The following RCOR3 variants were observed in gnomAD, a reference collection of about 807,000 sequenced individuals.
RCOR3 encodes the protein REST corepressor 3.
A neutral mutation model predicts 64.1 loss-of-function variants in RCOR3; 13 were observed. The observed-to-expected ratio is 0.20, with a 90% CI of 0.13 to 0.32. The LOEUF is 0.32. Ranked by LOEUF, RCOR3 falls within the 10% of genes least tolerant of loss-of-function variation. The pLI, the probability that RCOR3 is intolerant of heterozygous loss-of-function variation, is 1.00. For missense variants in RCOR3, 489 were observed against 701.2 expected (o/e 0.70, Z 3.42); for synonymous variants, 215 against 239.0 (o/e 0.90, Z 0.93).
intron 9 of RCOR3, among the ~76,000 whole-genome samples, chr1:211,297,272 C>T (rs2102613756): frequency 6.6e-6 from 1 of 152,226 alleles, no homozygotes; most frequent in Non-Finnish European, 1.5e-5. Flanking sequence ...CATTTTATAG[C>T]TTCCCTATGT....
Position 211,290,672 on chromosome 1 carries a change from G to A in RCOR3, c.939+1276G>A, listed in dbSNP as rs146087110. On this transcript the variant is annotated intron_variant, in intron 8 of 11. Coordinates refer to ENST00000419091, the MANE Select transcript of RCOR3 (RefSeq NM_001136223.3). ...ATTATAGGCATGAGCCACCACGCTC[G>A]GCCTCTTGTTGATTCTTTCTATTAC... is the stretch of plus-strand genomic sequence containing the variant. Among the ~76,000 whole-genome samples the A allele has an allele frequency of 6.6e-5, 10 of 152,156 alleles. No individual in the cohort carries two copies. The East Asian group carries it at 9.7e-4, about 15-fold the overall frequency.
intron 10 of RCOR3, among the ~76,000 whole-genome samples, chr1:211,309,834 T>G (rs567952450): frequency 3.4e-4 from 52 of 152,314 alleles, no homozygotes; most frequent in African/African-American, 1.3e-3. Context: ...CACCTGCTAG[T>G]TGTTTCAGAC....
intron 7 of RCOR3, among the ~76,000 whole-genome samples, chr1:211,283,811 T>TA (rs1361565334): frequency 7.5e-6 from 1 of 133,614 alleles, no homozygotes; most frequent in Non-Finnish European, 1.6e-5. Context: ...GCCTGGCTTG[T>TA]ATTTTTTTTT....
intron 8 of RCOR3, among the ~76,000 whole-genome samples, chr1:211,293,861 A>G (rs565917014): frequency 6.6e-6 from 1 of 152,324 alleles, no homozygotes; most frequent in East Asian, 1.9e-4. Flanking sequence ...GGGGGGAAAA[A>G]CAGAGGAAAA....
chr1:211,308,176 TATAAC>T (rs1409489126), intron 10 of RCOR3, among the ~76,000 whole-genome samples: 3 of 152,230 alleles, frequency 2.0e-5, no homozygotes, highest in East Asian at 1.9e-4. Context: ...ATTTTTCTAT[TATAAC>T]AGACACCATA....
At position 211,295,773 on chromosome 1, in the gene RCOR3, A is replaced by G; in HGVS notation, c.1017+20A>G. On this transcript the variant is annotated intron_variant, in intron 9 of 11. Transcript: ENST00000419091. ...CCTGAGGTATGTTATTGAAGGATAC[A>G]TGTGATTAAGTATAGTGAAAACTTG... 6.2e-7 allele frequency: 1 copy of G among 1,602,806 alleles called. No individual in the cohort carries two copies. Among genetic ancestry groups the G allele is most frequent in the Non-Finnish European group, 8.5e-7 (1 of 1,170,124 alleles).
At chr1:211,290,603 C>T (rs955940320) in intron 8 of RCOR3, among the ~76,000 whole-genome samples, 1 of 152,054 alleles carries the variant, frequency 6.6e-6, no homozygotes, top group Non-Finnish European at 1.5e-5. Flanking sequence ...GTCTCAAACT[C>T]CTGGGCTCAA....
chr1:211,308,555 C>T (rs1294588512), intron 10 of RCOR3, among the ~76,000 whole-genome samples: 2 of 150,990 alleles, frequency 1.3e-5, no homozygotes, highest in East Asian at 1.9e-4. Flanking sequence ...CCCAGTTAAA[C>T]TAAGTACATG....
intron 2 of RCOR3, chr1:211,261,236 G>A (rs931134156): frequency 6.6e-6 from 1 of 152,152 alleles, no homozygotes; most frequent in Non-Finnish European, 1.5e-5. Context: ...TAATTATTAG[G>A]ATACAGAGGC....
At chr1:211,262,255 C>G (rs1485453304) in intron 2 of RCOR3, among the ~76,000 whole-genome samples, 4 of 151,670 alleles carry the variant, frequency 2.6e-5, no homozygotes, top group South Asian at 4.1e-4. Flanking sequence ...CCAGGCTGCT[C>G]TCGAACTCCT....
Position 211,260,109 on chromosome 1 carries a change from T to C in RCOR3, c.168T>C (p.Asp56=), listed in dbSNP as rs1057510155. The change falls in exon 2 of 12, where the codon GAT becomes GAC. Residue 56 remains aspartate (D), a splice_region_variant and synonymous_variant. Coordinates refer to ENST00000419091, the MANE Select transcript of RCOR3 (RefSeq NM_001136223.3). ...ESGCSSDDEH[D]VGMRVGAEYQ... is the part of the protein sequence containing the mutation. ...ATATTTTTTGGCATTGCTTTGCAGA[T>C]GTTGGGATGAGAGTCGGAGCCGAAT... The C allele has an allele frequency of 6.2e-7, 1 of 1,610,448 alleles. No homozygotes were observed. Among genetic ancestry groups the C allele is most frequent in the Non-Finnish European group, 8.5e-7 (1 of 1,177,752 alleles).
chr1:211,260,027 T>C, intron 1 of RCOR3, 81 bp from the exon 2 acceptor site: 18 of 1,466,790 alleles, frequency 1.2e-5, no homozygotes, highest in Non-Finnish European at 1.5e-5. Flanking sequence ...CTAGCGATTT[T>C]TATTTTTTAA....
intron 8 of RCOR3, among the ~76,000 whole-genome samples, chr1:211,294,982 A>G (rs188282479): frequency 5.4e-4 from 82 of 151,364 alleles, no homozygotes; most frequent in African/African-American, 2.0e-3. Flanking sequence ...GGCTTGAGCA[A>G]TCCTCCCACC....
At position 211,259,685 on chromosome 1, in the gene RCOR3, A is replaced by G; in HGVS notation, c.125A>G (p.Tyr42Cys). ...TCGTCCACCAACGGCGGGCTGCACT[A>G]CTCAGAGCCCGAGAGCGGCTGCAGC... is the stretch of plus-strand genomic sequence containing the variant. ...GASSTNGGLH[Y>C]SEPESGCSSD... The change falls in exon 1 of 12, where the codon TAC becomes TGC. Residue 42 changes from tyrosine to cysteine, a missense_variant. By Grantham distance (194) the Tyr-to-Cys change is radical. Coordinates refer to ENST00000419091, the MANE Select transcript of RCOR3 (RefSeq NM_001136223.3). 6.5e-7 allele frequency: 1 copy of G among 1,540,492 alleles called. No homozygotes were observed. Among genetic ancestry groups the G allele is most frequent in the Non-Finnish European group, 8.8e-7 (1 of 1,142,660 alleles).
chr1:211,264,997 C>G (rs979423639), intron 2 of RCOR3, among the ~76,000 whole-genome samples: 2 of 152,120 alleles, frequency 1.3e-5, no homozygotes, highest in Admixed American at 1.3e-4. Flanking sequence ...CCTGACTTCT[C>G]TAGGCCTTAG....
chr1:211,282,376 T>C (rs1697929898), intron 7 of RCOR3, among the ~76,000 whole-genome samples: 1 of 152,180 alleles, frequency 6.6e-6, no homozygotes, highest in Non-Finnish European at 1.5e-5. Context: ...ACATATTACA[T>C]AGAAAGTTTT....
chr1:211,308,470 A>G (rs999636245), intron 10 of RCOR3, among the ~76,000 whole-genome samples: 1 of 152,144 alleles, frequency 6.6e-6, no homozygotes, highest in Non-Finnish European at 1.5e-5. Flanking sequence ...ATAGAAAAGA[A>G]TCATATCCCT....
intron 4 of RCOR3, 139 bp downstream of exon 4, chr1:211,274,401 A>T: frequency 4.0e-6 from 2 of 505,736 alleles, no homozygotes; most frequent in East Asian, 6.6e-5. Flanking sequence ...CCTAGCAAAG[A>T]GTGACCTTTC....
chr1:211,259,934 G>A, intron 1 of RCOR3, 174 bp from the exon 2 acceptor site: 5 of 205,278 alleles, frequency 2.4e-5, no homozygotes, highest in Non-Finnish European at 3.2e-5. Context: ...GCCCCCCCCC[G>A]CTCCCCGCCC....
Sources: gnomAD v4.1 joint callset for allele counts (sites outside exome capture counted in the v4.1 genomes callset) on GRCh38, gnomAD v4.1.1 for gene constraint, MANE v1.5 for transcripts, NCBI Gene and HGNC (gene_info 2026-07-23, HGNC 2026-07-21) for gene names.